The following NFXL1 variants were observed in gnomAD, a reference collection of about 807,000 sequenced individuals.
NFXL1 encodes the protein nuclear transcription factor, X-box binding like 1, also known as NF-X1-type zinc finger protein NFXL1.
A neutral mutation model predicts 123.3 loss-of-function variants in NFXL1; 66 were observed. The observed-to-expected ratio is 0.54, with a 90% confidence interval of 0.44 to 0.66. NFXL1 has a LOEUF of 0.66. NFXL1 is among the 30% of genes least tolerant of loss of function. The pLI is 0.00. For missense variants in NFXL1, 944 were observed against 1,125.6 expected (o/e 0.84, Z 2.31); for synonymous variants, 346 against 360.8 (o/e 0.96, Z 0.46).
chr4:47,859,060 G>C (rs1046500289), intron 19 of NFXL1, among the ~76,000 whole-genome samples: 4 of 152,254 alleles, frequency 2.6e-5, no homozygotes, highest in Admixed American at 2.0e-4. Flanking sequence ...CTTTACTACA[G>C]ATTTCATAGC....
chr4:47,872,098 C>T (rs1735473236), intron 18 of NFXL1, among the ~76,000 whole-genome samples: 2 of 152,074 alleles, frequency 1.3e-5, no homozygotes, highest in African/African-American at 4.8e-5. Flanking sequence ...TTGGTCATAT[C>T]CTAGTGTGAT....
chr4:47,889,023 C>A (rs1314360082), intron 12 of NFXL1, among the ~76,000 whole-genome samples: 1 of 152,142 alleles, frequency 6.6e-6, no homozygotes, highest in Non-Finnish European at 1.5e-5. Context: ...GGAAATGCTT[C>A]CAACACTTCT....
intron 22 of NFXL1, 108 bp from the exon 23 acceptor site, chr4:47,848,444 T>C (rs1733933823): frequency 1.3e-5 from 10 of 769,164 alleles, no homozygotes; most frequent in South Asian, 4.0e-5. Flanking sequence ...TAATGATATA[T>C]AGTCAATATA....
chr4:47,880,729 G>A (rs1736045122), intron 15 of NFXL1, among the ~76,000 whole-genome samples: 2 of 144,786 alleles, frequency 1.4e-5, no homozygotes, highest in Non-Finnish European at 1.5e-5. Flanking sequence ...CGTAATCAGC[G>A]ATCTTTGATG....
Position 47,903,109 on chromosome 4 carries a change from C to T in NFXL1, c.647+84G>A, listed in dbSNP as rs555021098. 32 of 871,926 alleles carry T rather than the reference C, an allele frequency of 3.7e-5. No individual in the cohort carries two copies. In the South Asian group the frequency reaches 6.0e-4, roughly 16 times the overall value. 54.0% of individuals were successfully genotyped at this position (871,926 alleles called of 1,614,324 possible). A position where few individuals can be genotyped will look rare whatever the true frequency, so the allele number is the denominator to read the frequency against. On this transcript the variant is annotated intron_variant, in intron 5 of 22. Transcript: ENST00000507489. ...GGTGGAGGTTGCAGTGAGCCAAGAT[C>T]GCCACTGCACTCCAGCCTGCGTGAC... is the stretch of plus-strand genomic sequence containing the variant.
chr4:47,866,363 T>G (rs898224819), intron 18 of NFXL1, among the ~76,000 whole-genome samples: 10 of 152,122 alleles, frequency 6.6e-5, no homozygotes, highest in African/African-American at 2.4e-4. Flanking sequence ...CGCCAACCAT[T>G]TAAAAAATTG....
rs200796616 is a variant in NFXL1, at chr4:47,893,269, G to GA, written c.1452+910dup. On this transcript the variant is annotated intron_variant, in intron 11 of 22. Transcript: ENST00000507489. ...AGAAGGTGACGGGTAGGGGAAAACA[G>GA]AAAAAAAAATCTGAAGAAATAAAAA... 1.3e-4 allele frequency among the ~76,000 whole-genome samples: 19 copies of GA among 149,672 alleles called. No homozygotes were observed. In the East Asian group the frequency reaches 2.9e-3, roughly 23 times the overall value.
Position 47,899,416 on chromosome 4 carries a change from T to C in NFXL1, c.780A>G (p.Glu260=). The part of the protein sequence containing the change: ...PHSCGQVCER[E]FKPPCGHKCL... The stretch of plus-strand genomic sequence containing the variant: ...ATTTATGGCCACAAGGAGGTTTAAA[T>C]TCACGCTCACATACTTGGCCACATG... The change falls in exon 6 of 23, where the codon GAA becomes GAG. Residue 260 remains glutamate, a synonymous_variant. Coordinates refer to ENST00000507489, the MANE Select transcript of NFXL1 (RefSeq NM_001278624.2). 6.2e-7 allele frequency: 1 copy of C among 1,614,010 alleles called. No homozygotes were observed. The highest frequency in any genetic ancestry group is 1.6e-4 in the Middle Eastern group (1 of 6,062).
At chr4:47,852,652 G>A (rs1434119378) in intron 20 of NFXL1, among the ~76,000 whole-genome samples, 6 of 151,930 alleles carry the variant, frequency 3.9e-5, no homozygotes, top group Admixed American at 3.9e-4. Context: ...TTGATGTCTT[G>A]ACATCAAAAC....
chr4:47,847,251 A>C lies in NFXL1; in HGVS notation c.*912T>G, dbSNP rs1733862809. The C allele has an allele frequency of 6.6e-6, 1 of 152,160 alleles. No homozygotes were observed. 9.4% of individuals were successfully genotyped at this position (152,160 alleles called of 1,614,324 possible). On this transcript the variant is annotated 3_prime_UTR_variant, in exon 23 of 23. Coordinates refer to ENST00000507489, the MANE Select transcript of NFXL1 (RefSeq NM_001278624.2). ...TTCTAGATTACAAATTTGGTATCAA[A>C]AATTTTAATGAAAACATTAATCATA...
In NFXL1 at chr4:47,848,191, G is replaced by A; in HGVS notation, c.2708C>T (p.Ala903Val). ...ATTGACATCATGGGTGATGTACCAG[G>A]CAAACACTACAACCACAACTCCACA... ...SVCGVVVVVF[A>V]WYITHDVN The change falls in exon 23 of 23, where the codon GCC becomes GTC. Residue 903 changes from alanine (A) to valine (V), a missense_variant. Around this residue, in one of 4 missense-constraint regions of NFXL1, gnomAD observed 301 missense variants for 348.0 expected, o/e 0.86. Transcript: ENST00000507489. 1 of 1,603,116 alleles carries A rather than the reference G, an allele frequency of 6.2e-7. No homozygotes were observed. The highest frequency in any genetic ancestry group is 1.7e-5 in the Admixed American group (1 of 59,238).
chr4:47,880,806 G>GAAAAAAAAAAAAAAAAAAAAA (rs1736054777), intron 15 of NFXL1, among the ~76,000 whole-genome samples: 1 of 24,354 alleles, frequency 4.1e-5, no homozygotes, highest in African/African-American at 1.6e-4. Context: ...TAATTAATGA[G>GAAAAAAAAAAAAAAAAAAAAA]TAAAAAAAAA....
At chr4:47,853,628 CATATT>C (rs1734245170) in intron 20 of NFXL1, among the ~76,000 whole-genome samples, 1 of 152,030 alleles carries the variant, frequency 6.6e-6, no homozygotes, top group Non-Finnish European at 1.5e-5. Flanking sequence ...AAAGGAAAAA[CATATT>C]GTATTTTACA....
At chr4:47,893,097 T>C (rs1163221308) in intron 11 of NFXL1, among the ~76,000 whole-genome samples, 1 of 152,016 alleles carries the variant, frequency 6.6e-6, no homozygotes, top group Admixed American at 6.6e-5. Context: ...CAGGATGGGA[T>C]AAAAAGCAGA....
chr4:47,848,892 A>T (rs1023790840), intron 22 of NFXL1, among the ~76,000 whole-genome samples: 1 of 152,096 alleles, frequency 6.6e-6, no homozygotes, highest in Non-Finnish European at 1.5e-5. Flanking sequence ...CCATCTCAAA[A>T]AAATAAATAA....
At position 47,914,137 on chromosome 4, in the gene NFXL1, G is replaced by A; in HGVS notation, c.67C>T (p.Pro23Ser). ...GRSRGRATAA[P>S]SGNGVHLRGA... is the part of the protein sequence containing the mutation. ...CGGAGATGGACTCCATTTCCTGAGG[G>A]GGCGGCAGTGGCCCGTCCCCGGGAT... is the stretch of plus-strand genomic sequence containing the variant. The change falls in exon 2 of 23, where the codon CCC becomes TCC. Residue 23 changes from proline to serine, a missense_variant. Coordinates refer to ENST00000507489, the MANE Select transcript of NFXL1 (RefSeq NM_001278624.2). 2 of 1,553,716 alleles carry A rather than the reference G, an allele frequency of 1.3e-6. No individual in the cohort carries two copies. The highest frequency in any genetic ancestry group is 1.7e-6 in the Non-Finnish European group (2 of 1,148,978).
intron 3 of NFXL1, among the ~76,000 whole-genome samples, chr4:47,909,970 G>T (rs1449008688): frequency 6.6e-6 from 1 of 151,896 alleles, no homozygotes; most frequent in African/African-American, 2.4e-5. Context: ...CTACATACAA[G>T]AATATTTCTA....
chr4:47,869,582 G>A (rs1360807032), intron 18 of NFXL1, among the ~76,000 whole-genome samples: 1 of 152,028 alleles, frequency 6.6e-6, no homozygotes, highest in East Asian at 1.9e-4. Context: ...GTATATACAT[G>A]AATATATGGA....
intron 18 of NFXL1, among the ~76,000 whole-genome samples, chr4:47,869,460 A>G (rs1008650612): frequency 6.6e-6 from 1 of 152,178 alleles, no homozygotes; most frequent in Non-Finnish European, 1.5e-5. Context: ...AAATATTACA[A>G]ACACATGCTC....
Sources: allele counts gnomAD v4.1 joint callset (sites outside exome capture counted in the v4.1 genomes callset), GRCh38; gene constraint gnomAD v4.1.1; regional missense constraint gnomAD v4.1.1; transcripts MANE v1.5; gene names NCBI Gene and HGNC (gene_info 2026-07-23, HGNC 2026-07-21).